Variants in LIPJ observed in about 807,000 individuals in gnomAD.
LIPJ encodes lipase family member J, also known as lipase member J.
A neutral mutation model predicts 39.8 loss-of-function variants in LIPJ; 33 were observed. The ratio of observed to expected loss-of-function variants is 0.83; its 90% confidence interval spans 0.63 to 1.11. LIPJ has a LOEUF of 1.11. LIPJ is among the 50% of genes least tolerant of loss of function. LIPJ has a pLI of 0.00. For missense variants in LIPJ, 422 were observed against 427.9 expected (o/e 0.99, Z 0.12); for synonymous variants, 128 against 139.2 (o/e 0.92, Z 0.57).
the LIPJ span, among the ~76,000 whole-genome samples, chr10:88,614,308 T>C: frequency 1.5e-4 from 23 of 152,200 alleles, no homozygotes; most frequent in African/African-American, 5.5e-4. Flanking sequence ...GTCTGAGGTA[T>C]AGATTAAACA....
chr10:88,596,604 T>C (rs539556550), intron 7 of LIPJ, among the ~76,000 whole-genome samples, 186 bp from the exon 8 acceptor site: 3 of 151,702 alleles, frequency 2.0e-5, no homozygotes, highest in Non-Finnish European at 4.4e-5. Context: ...TTTAGAACCC[T>C]ACTGTGAGAA....
chr10:88,616,349 T>A, the LIPJ span, among the ~76,000 whole-genome samples: 3 of 152,126 alleles, frequency 2.0e-5, no homozygotes, highest in Non-Finnish European at 2.9e-5. Flanking sequence ...AGGGTCCTCA[T>A]AAAAGTCCCT....
At chr10:88,620,446 A>G in the LIPJ span, among the ~76,000 whole-genome samples, 2 of 152,184 alleles carry the variant, frequency 1.3e-5, no homozygotes. Flanking sequence ...TATTTTTGCA[A>G]CTTTTCTGTG....
chr10:88,587,590 CT>C (rs922126349), intron 2 of LIPJ, among the ~76,000 whole-genome samples, 198 bp downstream of exon 2: 13 of 152,038 alleles, frequency 8.6e-5, no homozygotes, highest in Non-Finnish European at 1.9e-4. Context: ...TGGGTGATAG[CT>C]TTTAAAAATC....
At position 88,593,980 on chromosome 10, in the gene LIPJ, G is replaced by T. The variant is rs1324941777; in HGVS notation, c.165G>T (p.Leu55Phe). ...TTGTTGTATACTTGCAACATGGTTT[G>T]CTTACATCTGCCAGCAGCTGGATTT... The change falls in exon 5 of 11, where the codon TTG becomes TTT. Residue 55 changes from leucine to phenylalanine, a missense_variant. Transcript: ENST00000371939. The T allele has an allele frequency of 1.9e-6, 3 of 1,612,052 alleles. No homozygotes were observed. In the Admixed American group the frequency reaches 5.0e-5, roughly 27 times the overall value.
At chr10:88,600,420 GT>G (rs112120903) in intron 8 of LIPJ, among the ~76,000 whole-genome samples, 3 of 152,130 alleles carry the variant, frequency 2.0e-5, no homozygotes, top group African/African-American at 7.2e-5. Context: ...AAATTTTAAA[GT>G]TTATACATTG....
chr10:88,596,417 G>T lies in LIPJ; in HGVS notation c.576+1G>T. The T allele has an allele frequency of 1.3e-6, 2 of 1,519,238 alleles. No individual in the cohort carries two copies. The highest frequency in any genetic ancestry group is 1.8e-6 in the Non-Finnish European group (2 of 1,135,446). 94.1% of individuals were successfully genotyped at this position (1,519,238 alleles called of 1,614,324 possible). On this transcript the variant is annotated splice_donor_variant, in intron 7 of 10. Coordinates refer to ENST00000371939, the Ensembl canonical transcript of LIPJ. LOFTEE classifies it high-confidence loss of function. ...ATACAAATGGAAGTCAATAGTCATG[G>T]TATGTTCTACCTTTATTTTATGTCA...
chr10:88,602,103 T>G (rs59118752), intron 8 of LIPJ, among the ~76,000 whole-genome samples: 2,721 of 152,264 alleles, frequency 0.018, 62 homozygotes, highest in South Asian at 0.083. Context: ...AGACTTTGAT[T>G]TTTTGTTTTT....
At position 88,602,560 on chromosome 10, in the gene LIPJ, T is replaced by A. The variant is rs780560166; in HGVS notation, c.724-16T>A. On this transcript the variant is annotated splice_polypyrimidine_tract_variant and intron_variant, in intron 8 of 10. Transcript: ENST00000371939. ...ACTTATATAAAAATGCTTTTTTTTT[T>A]TTTTTTACCCCTCAGAGTCGTTTGG... The A allele has an allele frequency of 8.1e-6, 12 of 1,476,544 alleles. No individual in the cohort carries two copies. The highest frequency in any genetic ancestry group is 3.9e-5 in the Admixed American group (2 of 51,290). 91.5% of individuals were successfully genotyped at this position (1,476,544 alleles called of 1,614,324 possible).
rs752604055 is a variant in LIPJ, at chr10:88,591,432, G to A, written c.64G>A (p.Glu22Lys). The change falls in exon 4 of 11, where the codon GAA (glutamate) becomes AAA (lysine). Residue 22 changes from glutamate to lysine, a missense_variant. Transcript: ENST00000371939. ...TGATGAAGAATATGATATTGTAACC[G>A]AAGATGGTTATATCCTTGGCCTTTA... 30 of 1,599,214 alleles carry A rather than the reference G, an allele frequency of 1.9e-5. 1 individual carries two copies. Among genetic ancestry groups the A allele is most frequent in the South Asian group, 7.7e-5 (7 of 90,512 alleles).
the LIPJ span, among the ~76,000 whole-genome samples, chr10:88,614,292 G>A: frequency 6.6e-6 from 1 of 152,000 alleles, no homozygotes; most frequent in Non-Finnish European, 1.5e-5. Context: ...CAGTGCAGGG[G>A]AGAAAGTCTG....
chr10:88,605,322 T>C (rs1201738198), intron 9 of LIPJ, among the ~76,000 whole-genome samples: 1 of 152,148 alleles, frequency 6.6e-6, no homozygotes, highest in Non-Finnish European at 1.5e-5. Context: ...CCTCTGTTGA[T>C]GAAGCTGAAG....
upstream of LIPJ, among the ~76,000 whole-genome samples, chr10:88,586,316 C>G (rs1590071455): frequency 6.6e-6 from 1 of 152,120 alleles, no homozygotes; most frequent in South Asian, 2.1e-4. Flanking sequence ...GTGCAGCTTT[C>G]TGGAAAGGTA....
chr10:88,606,551 G>C, intron 10 of LIPJ, 123 bp from the exon 11 acceptor site: 1 of 574,558 alleles, frequency 1.7e-6, no homozygotes, highest in Non-Finnish European at 3.0e-6. Flanking sequence ...CCAGTAAGTT[G>C]AATCCATTAG....
the LIPJ span, among the ~76,000 whole-genome samples, chr10:88,616,921 T>G: frequency 6.6e-6 from 1 of 152,102 alleles, no homozygotes; most frequent in African/African-American, 2.4e-5. Context: ...GGGCTGGTGC[T>G]CAGTCTCTGC....
intron 6 of LIPJ, among the ~76,000 whole-genome samples, 182 bp from the exon 7 acceptor site, chr10:88,596,098 T>G (rs1055017903): frequency 2.0e-5 from 3 of 151,612 alleles, no homozygotes; most frequent in Non-Finnish European, 4.4e-5. Context: ...ATCAGCATTA[T>G]ATTATGATCA....
At chr10:88,618,852 C>T in the LIPJ span, 1 of 159,034 alleles carries the variant, frequency 6.3e-6, no homozygotes, top group Non-Finnish European at 1.4e-5. Flanking sequence ...TTTTGATCTT[C>T]AGCTCTGTGA....
intron 2 of LIPJ, among the ~76,000 whole-genome samples, chr10:88,590,315 C>T (rs555395152): frequency 6.6e-6 from 1 of 151,878 alleles, no homozygotes; most frequent in Non-Finnish European, 1.5e-5. Flanking sequence ...CTGTGCAATA[C>T]TACAATGGAG....
At chr10:88,595,016 T>C (rs1851208970) in intron 6 of LIPJ, among the ~76,000 whole-genome samples, 2 of 151,798 alleles carry the variant, frequency 1.3e-5, no homozygotes, top group Admixed American at 6.6e-5. Flanking sequence ...TTGTTTCAAA[T>C]TGTATAAAAG....
Sources: allele counts gnomAD v4.1 joint callset (sites outside exome capture counted in the v4.1 genomes callset), GRCh38; gene constraint gnomAD v4.1.1; transcripts MANE v1.5; gene names NCBI Gene and HGNC (gene_info 2026-07-23, HGNC 2026-07-21).